Variants in IGSF10 observed in about 807,000 individuals in gnomAD.
IGSF10 encodes the protein calvaria mechanical force protein 608.
Under a neutral mutation model 128.2 loss-of-function variants are expected in IGSF10, and 126 were observed. The observed-to-expected ratio is 0.98, with a 90% CI of 0.85 to 1.14. IGSF10 has a LOEUF of 1.14. Among genes scored for constraint, IGSF10 ranks in the 50% most tolerant of loss-of-function variants. The pLI is 0.00. For synonymous variants in IGSF10, 1,185 were observed against 1,146.2 expected, an observed-to-expected ratio of 1.03 and a Z score of -0.68; for missense variants, 3,295 against 3,149.8, an observed-to-expected ratio of 1.05 and a Z score of -1.10.
the IGSF10 span, among the ~76,000 whole-genome samples, chr3:151,472,375 T>G: frequency 6.6e-6 from 1 of 152,122 alleles, no homozygotes; most frequent in African/African-American, 2.4e-5. Context: ...TTTCCTTTTT[T>G]GGGGGATCCC....
chr3:151,481,031 C>T, the IGSF10 span, among the ~76,000 whole-genome samples: 16 of 152,114 alleles, frequency 1.1e-4, no homozygotes, highest in African/African-American at 2.4e-4. Context: ...CAGCATGCTA[C>T]GCCCCAGGAA....
chr3:151,519,735 A>G, the IGSF10 span, among the ~76,000 whole-genome samples: 1 of 151,780 alleles, frequency 6.6e-6, no homozygotes, highest in Non-Finnish European at 1.5e-5. Context: ...GGGAAACAAA[A>G]TGACTAGTTT....
Position 151,458,827 on chromosome 3 carries a change from C to G in IGSF10, c.-1-117G>C. The G allele has an allele frequency of 5.4e-6, 4 of 740,436 alleles. No homozygotes were observed. In the Admixed American group the frequency reaches 8.8e-5, roughly 16 times the overall value. 45.9% of individuals were successfully genotyped at this position (740,436 alleles called of 1,614,324 possible). On this transcript the variant is annotated intron_variant, in intron 2 of 7. Coordinates refer to ENST00000282466, the MANE Select transcript of IGSF10 (RefSeq NM_178822.5). ...CTTTAAGGGTCGTAAGTGGTCAATT[C>G]CATTCCTACCCTTTGTGGTCATATG...
chr3:151,444,924 G>T lies in IGSF10; in HGVS notation c.5057C>A (p.Pro1686Gln), dbSNP rs1346751267. ...AAAGAAAAAGTTTCACATACCTGAT[G>T]GGACTCTGGTCCAATGAATGGTGGG... is the stretch of plus-strand genomic sequence containing the variant. ...PLPTIHWTRV[P>Q]SGLDLSKRKQ... Residue 1686 changes from proline to glutamine, a missense_variant, in exon 6 of 8, where the codon CCA becomes CAA. By Grantham distance (76) the Pro-to-Gln change is moderately conservative. Coordinates refer to ENST00000282466, the MANE Select transcript of IGSF10 (RefSeq NM_178822.5). 6.3e-7 allele frequency: 1 copy of T among 1,592,498 alleles called. No individual in the cohort carries two copies. Among genetic ancestry groups the T allele is most frequent in the Non-Finnish European group, 8.5e-7 (1 of 1,172,574 alleles).
chr3:151,445,431 T>C lies in IGSF10; in HGVS notation c.4550A>G (p.Gln1517Arg), dbSNP rs752083160. Residue 1517 changes from glutamine to arginine, a missense_variant, in exon 6 of 8, where the codon CAA becomes CGA. Physicochemically the swap from Gln to Arg is conservative, Grantham distance 43. Transcript: ENST00000282466. ...GGATGTTGCAACCTCTGCTACTAAT[T>C]GCTGTGGTTTAGCATTGTGCCTTGA... Reference protein sequence around the residue: ...ESSRHNAKPQQLVAEVATSPK... With the variant: ...ESSRHNAKPQRLVAEVATSPK... 1 of 1,614,234 alleles carries C rather than the reference T, an allele frequency of 6.2e-7. No individual in the cohort carries two copies. Among genetic ancestry groups the C allele is most frequent in the Non-Finnish European group, 8.5e-7 (1 of 1,180,050 alleles).
At chr3:151,463,735 C>A (rs1722175145), upstream of IGSF10, among the ~76,000 whole-genome samples, 1 of 151,344 alleles carries the variant, frequency 6.6e-6, no homozygotes. Flanking sequence ...CCTGTAATCC[C>A]AGCATTTTGG....
the IGSF10 span, among the ~76,000 whole-genome samples, chr3:151,577,050 G>A: frequency 1.3e-5 from 2 of 152,116 alleles, no homozygotes. Flanking sequence ...CCTCAGCTTT[G>A]GAGTCTGCCC....
the IGSF10 span, among the ~76,000 whole-genome samples, chr3:151,489,312 A>G: frequency 3.3e-5 from 5 of 152,208 alleles, no homozygotes; most frequent in Admixed American, 3.3e-4. Flanking sequence ...GATCATTAAA[A>G]AGTAGGAAAC....
At chr3:151,506,709 A>G in the IGSF10 span, among the ~76,000 whole-genome samples, 15 of 152,232 alleles carry the variant, frequency 9.9e-5, no homozygotes, top group African/African-American at 2.9e-4. Context: ...TACGAGATAT[A>G]AAATATTTTT....
Position 151,438,122 on chromosome 3 carries a change from T to TA in IGSF10, c.6438dup (p.Asn2147Ter). The TA allele has an allele frequency of 6.2e-7, 1 of 1,614,220 alleles. No homozygotes were observed. On this transcript the variant is annotated frameshift_variant, in exon 8 of 8. Transcript: ENST00000282466. LOFTEE classifies it low-confidence loss of function (END_TRUNC). Reference sequence around the variant, plus strand: ...GCTTTGATTCTCTTGTTGGTTTTGTTACTCTGCCTTATCCGGGGAGCAGCT... The same window carrying TA: ...GCTTTGATTCTCTTGTTGGTTTTGTTAACTCTGCCTTATCCGGGGAGCAGCT...
the IGSF10 span, among the ~76,000 whole-genome samples, chr3:151,517,504 G>C: frequency 6.6e-6 from 1 of 152,114 alleles, no homozygotes; most frequent in Non-Finnish European, 1.5e-5. Context: ...AGTCATCTTA[G>C]AATGTCAAAT....
At chr3:151,561,566 A>G in the IGSF10 span, among the ~76,000 whole-genome samples, 5 of 152,310 alleles carry the variant, frequency 3.3e-5, no homozygotes, top group Admixed American at 1.3e-4. Context: ...ATTCATCTCT[A>G]TGTAATATGT....
the IGSF10 span, among the ~76,000 whole-genome samples, chr3:151,616,224 C>G: frequency 6.6e-6 from 1 of 152,078 alleles, no homozygotes; most frequent in Non-Finnish European, 1.5e-5. Flanking sequence ...GCCTCAGCCT[C>G]CCAAAGGCCT....
At chr3:151,574,645 C>T in the IGSF10 span, among the ~76,000 whole-genome samples, 1 of 152,256 alleles carries the variant, frequency 6.6e-6, no homozygotes, top group Non-Finnish European at 1.5e-5. Context: ...TTTTTAGCTT[C>T]CTTGTGATGG....
At chr3:151,464,123 ACT>A (rs1236224584), upstream of IGSF10, among the ~76,000 whole-genome samples, 2 of 152,106 alleles carry the variant, frequency 1.3e-5, no homozygotes, top group Non-Finnish European at 2.9e-5. Context: ...GAGCATAGCG[ACT>A]CTGAGTTAAT....
rs201873454 is a variant in IGSF10 at position 151,447,026 on chromosome 3, A to G, written c.2955T>C (p.Asp985=). 1 of 1,614,196 alleles carries G rather than the reference A, an allele frequency of 6.2e-7. No individual in the cohort carries two copies. The highest frequency in any genetic ancestry group is 8.5e-7 in the Non-Finnish European group (1 of 1,180,020). ...ACTGAGAATGAGCAGCTGTGTGTGG[A>G]TCTGAAGGGAACGTGGAGGTGCTAA... ...QILSTSTFPS[D]PHTAAHSQFP... The change falls in exon 6 of 8, where the codon GAT becomes GAC. Residue 985 remains aspartate, a synonymous_variant. Transcript: ENST00000282466.
At chr3:151,484,642 T>G in the IGSF10 span, among the ~76,000 whole-genome samples, 1 of 148,632 alleles carries the variant, frequency 6.7e-6, no homozygotes, top group Non-Finnish European at 1.5e-5. Context: ...CCTCTGCCAG[T>G]GATACCCAGG....
chr3:151,517,368 C>T, the IGSF10 span, among the ~76,000 whole-genome samples: 5 of 151,890 alleles, frequency 3.3e-5, no homozygotes, highest in Non-Finnish European at 7.4e-5. Flanking sequence ...GATTTTAGGT[C>T]GTTTGGTTTA....
In IGSF10 at chr3:151,446,192, T is replaced by C. The variant is rs372430584; in HGVS notation, c.3789A>G (p.Pro1263=). 10 of 1,613,904 alleles carry C rather than the reference T, an allele frequency of 6.2e-6. No individual in the cohort carries two copies. Among genetic ancestry groups the C allele is most frequent in the Middle Eastern group, 3.3e-4 (2 of 6,084 alleles). The change falls in exon 6 of 8, where the codon CCA becomes CCG. Residue 1263 remains proline, a synonymous_variant. Coordinates refer to ENST00000282466, the MANE Select transcript of IGSF10 (RefSeq NM_178822.5). The stretch of plus-strand genomic sequence containing the variant: ...GGTGAGCGGTAGTCAAGGTATTAGA[T>C]GGAATTTGCATCACACTTGTTGAAA... ...TTLSTSVMQI[P]SNTLTTAHHT...
Sources: allele counts gnomAD v4.1 joint callset (sites outside exome capture counted in the v4.1 genomes callset), GRCh38; gene constraint gnomAD v4.1.1; transcripts MANE v1.5; gene names NCBI Gene and HGNC (gene_info 2026-07-23, HGNC 2026-07-21).